SEMA3B: variants seen among roughly 807,000 people sequenced by gnomAD.
SEMA3B encodes semaphorin-3B.
Under a neutral mutation model 77.8 loss-of-function variants are expected in SEMA3B, and 71 were observed. That is an observed-to-expected ratio of 0.91 (90% CI 0.75 to 1.11). The LOEUF is 1.11. Ranked by LOEUF, SEMA3B falls within the 50% of genes most tolerant of loss-of-function variation. The pLI, the probability that SEMA3B is intolerant of heterozygous loss-of-function variation, is 0.00. For synonymous variants in SEMA3B, 470 were observed against 452.9 expected, an observed-to-expected ratio of 1.04 and a Z score of -0.48; for missense variants, 968 against 1,056.8, an observed-to-expected ratio of 0.92 and a Z score of 1.17.
In SEMA3B at chr3:50,273,423, C is replaced by T. The variant is rs907619834; in HGVS notation, c.790C>T (p.Arg264Cys). 1.5e-5 allele frequency: 24 copies of T among 1,613,534 alleles called. No homozygotes were observed. The African/African-American group carries it at 2.0e-4, about 13-fold the overall frequency. Residue 264 changes from arginine (R) to cysteine (C), a missense_variant, in exon 7 of 17, where the codon CGC becomes TGC. Transcript: ENST00000616701. This position sits in a 1 kb window ranked among gnomAD's most constrained non-coding sequence, Gnocchi z 6.5. ...APALGRLSVS[R>C]VGQICRNDVG... ...GGCACTGGGACGCCTGTCCGTGTCC[C>T]GCGTTGGCCAGATCTGCCGGGTGAG...
At position 50,273,798 on chromosome 3, in the gene SEMA3B, C is replaced by G. The variant is rs782132802; in HGVS notation, c.962C>G (p.Pro321Arg). ...FLLSSRDHRT[P>R]LLYAVFSTSS... ...TTGTCCTCGCGGGACCACCGGACCC[C>G]GCTGCTCTATGCCGTCTTCTCCACG... The change falls in exon 9 of 17, where the codon CCG becomes CGG. Residue 321 changes from proline to arginine, a missense_variant. By Grantham distance (103) the Pro-to-Arg change is moderately radical. Coordinates refer to ENST00000616701, the MANE Select transcript of SEMA3B (RefSeq NM_001290060.2). The surrounding 1 kb of genome is among the most constrained non-coding windows in gnomAD (Gnocchi z 6.5). 3.8e-6 allele frequency: 6 copies of G among 1,589,452 alleles called. No homozygotes were observed. The highest frequency in any genetic ancestry group is 5.1e-6 in the Non-Finnish European group (6 of 1,169,724).
Position 50,274,478 on chromosome 3 carries a change from G to A in SEMA3B, c.1253G>A (p.Arg418His). The change falls in exon 11 of 17, where the codon CGC (arginine) becomes CAC (histidine). Residue 418 changes from arginine to histidine, a missense_variant. Physicochemically the swap from Arg to His is conservative, Grantham distance 29. Coordinates refer to ENST00000616701, the MANE Select transcript of SEMA3B (RefSeq NM_001290060.2). This position sits in a 1 kb window ranked among gnomAD's most constrained non-coding sequence, Gnocchi z 4.7. ...MYNSVLPTGGRPLFLQVGANY... is the reference protein window; with the variant it reads ...MYNSVLPTGGHPLFLQVGANY... The stretch of plus-strand genomic sequence containing the variant: ...AACTCTGTCCTGCCCACTGGGGGGC[G>A]CCCTCTTTTCCTACAAGTTGGAGCC... 6.5e-7 allele frequency: 1 copy of A among 1,548,010 alleles called. No individual in the cohort carries two copies. The highest frequency in any genetic ancestry group is 8.7e-7 in the Non-Finnish European group (1 of 1,149,742).
At position 50,274,675 on chromosome 3, in the gene SEMA3B, C is replaced by A; in HGVS notation, c.1357+93C>A. The A allele has an allele frequency of 4.9e-6, 7 of 1,441,404 alleles. No individual in the cohort carries two copies. Among genetic ancestry groups the A allele is most frequent in the East Asian group, 2.3e-5 (1 of 43,210 alleles). The allele number at this position is 1,441,404 out of a possible 1,614,324, so 89.3% of individuals were successfully genotyped here. On this transcript the variant is annotated intron_variant, in intron 11 of 16. Transcript: ENST00000616701. The surrounding 1 kb of genome is among the most constrained non-coding windows in gnomAD (Gnocchi z 4.7). ...CCCTGTTCAGTCCCATCTCCACATC[C>A]TTTCCTGGGCTGTGTCTCCACCCTG...
chr3:50,270,916 G>T lies in SEMA3B; in HGVS notation c.357G>T (p.Leu119Phe). 5 of 1,610,388 alleles carry T rather than the reference G, an allele frequency of 3.1e-6. No individual in the cohort carries two copies. The highest frequency in any genetic ancestry group is 4.2e-6 in the Non-Finnish European group (5 of 1,178,300). Residue 119 changes from leucine to phenylalanine, a missense_variant, in exon 4 of 17, where the codon TTG (leucine) becomes TTT (phenylalanine). Physicochemically the swap from Leu to Phe is conservative, Grantham distance 22. Transcript: ENST00000616701. This position sits in a 1 kb window ranked among gnomAD's most constrained non-coding sequence, Gnocchi z 4.7. ...CTGAGTGCATGAACTTCGTGAAGTTGCTGCATGCCTACAACCGCACCCATT... is the reference window on the plus strand; with the variant it reads ...CTGAGTGCATGAACTTCGTGAAGTTTCTGCATGCCTACAACCGCACCCATT... ...IGTECMNFVK[L>F]LHAYNRTHLL...
At chr3:50,261,736 T>A in the SEMA3B span, 1 of 152,346 alleles carries the variant, frequency 6.6e-6, no homozygotes, top group Non-Finnish European at 1.5e-5. Context: ...CCATGGCTTC[T>A]GATGTCAGGA....
Position 50,270,560 on chromosome 3 carries a change from G to A in SEMA3B, c.330+65G>A. 1.2e-6 allele frequency: 2 copies of A among 1,602,808 alleles called. No homozygotes were observed. The highest frequency in any genetic ancestry group is 1.1e-5 in the South Asian group (1 of 90,806). On this transcript the variant is annotated intron_variant, in intron 3 of 16. Transcript: ENST00000616701. The surrounding 1 kb of genome is among the most constrained non-coding windows in gnomAD (Gnocchi z 4.7). ...GCCCCTCACCCCAGAGACAGGGCAG[G>A]GCTAAAACAGAGGCCTGCCTGTTCT...
rs1328529633 is a variant in SEMA3B at position 50,274,479 on chromosome 3, C to T, written c.1254C>T (p.Arg418=). The T allele has an allele frequency of 1.3e-6, 2 of 1,551,648 alleles. No homozygotes were observed. The highest frequency in any genetic ancestry group is 4.1e-5 in the Admixed American group (2 of 48,408). Residue 418 remains arginine, a synonymous_variant, in exon 11 of 17, where the codon CGC becomes CGT. Coordinates refer to ENST00000616701, the MANE Select transcript of SEMA3B (RefSeq NM_001290060.2). This position sits in a 1 kb window ranked among gnomAD's most constrained non-coding sequence, Gnocchi z 4.7. ...ACTCTGTCCTGCCCACTGGGGGGCG[C>T]CCTCTTTTCCTACAAGTTGGAGCCA... The part of the protein sequence containing the change: ...MYNSVLPTGG[R]PLFLQVGANY...
Position 50,276,717 on chromosome 3 carries a change from C to A in SEMA3B, c.*11C>A. ...GCAACGCACTGGTGACCAGACTGTC[C>A]CCACGCCGGGAACCAAGCAGGAGAC... On this transcript the variant is annotated 3_prime_UTR_variant, in exon 17 of 17. Coordinates refer to ENST00000616701, the MANE Select transcript of SEMA3B (RefSeq NM_001290060.2). This position sits in a 1 kb window ranked among gnomAD's most constrained non-coding sequence, Gnocchi z 5.8. 1 of 1,484,736 alleles carries A rather than the reference C, an allele frequency of 6.7e-7. No individual in the cohort carries two copies. Among genetic ancestry groups the A allele is most frequent in the Admixed American group, 2.3e-5 (1 of 42,604 alleles). The allele number at this position is 1,484,736 out of a possible 1,614,324, so 92.0% of individuals were successfully genotyped here. A position where few individuals can be genotyped will look rare whatever the true frequency, so the allele number is the denominator to read the frequency against.
chr3:50,271,154 A>G lies in SEMA3B; in HGVS notation c.517A>G (p.Arg173Gly). 6.3e-7 allele frequency: 1 copy of G among 1,581,940 alleles called. No homozygotes were observed. Residue 173 changes from arginine to glycine, a missense_variant, in exon 5 of 17, where the codon AGG (arginine) becomes GGG (glycine). Transcript: ENST00000616701. ...DGKGKSPYDPRHRAASVLVGE... is the reference protein window; with the variant it reads ...DGKGKSPYDPGHRAASVLVGE... ...CAAGGGGAAGAGTCCTTATGACCCC[A>G]GGCATCGGGCTGCCTCCGTGCTGGT... is the stretch of plus-strand genomic sequence containing the variant.
intron 6 of SEMA3B, among the ~76,000 whole-genome samples, chr3:50,271,688 G>T (rs1701058935): frequency 6.6e-6 from 1 of 152,180 alleles, no homozygotes; most frequent in Non-Finnish European, 1.5e-5. Context: ...ATAAGATCAA[G>T]TCCAATGGCC....
In SEMA3B at chr3:50,275,828, T is replaced by G. The variant is rs1407004395; in HGVS notation, c.1829T>G (p.Val610Gly). The G allele has an allele frequency of 1.2e-6, 2 of 1,605,066 alleles. No homozygotes were observed. The highest frequency in any genetic ancestry group is 2.7e-5 in the African/African-American group (2 of 74,718). Residue 610 changes from valine (V) to glycine (G), a missense_variant, in exon 16 of 17, where the codon GTG (valine) becomes GGG (glycine). By Grantham distance (109) the Val-to-Gly change is moderately radical. Coordinates refer to ENST00000616701, the MANE Select transcript of SEMA3B (RefSeq NM_001290060.2). The surrounding 1 kb of genome is among the most constrained non-coding windows in gnomAD (Gnocchi z 7.5). ...RVEWTFQRAGVTAHTQVLAEE... is the reference protein window; with the variant it reads ...RVEWTFQRAGGTAHTQVLAEE... ...GAGTGGACTTTCCAGCGCGCAGGGG[T>G]GACAGCCCACACCCAGGTGAGCCTT...
In SEMA3B at chr3:50,277,446, GGAGGCT is replaced by G. The variant is rs1553707148; in HGVS notation, c.*746_*751del. The G allele has an allele frequency of 1.3e-5, 2 of 151,298 alleles. No individual in the cohort carries two copies. The highest frequency in any genetic ancestry group is 4.9e-5 in the African/African-American group (2 of 41,102). The allele number at this position is 151,298 out of a possible 1,614,324, so 9.4% of individuals were successfully genotyped here. Reference sequence around the variant, plus strand: ...GGGCGCCTGTAATCCTAGCTACTCAGGAGGCTGAGGCAGGAGAATTGCTTGAACCTG... The same window carrying G: ...GGGCGCCTGTAATCCTAGCTACTCAGGAGGCAGGAGAATTGCTTGAACCTG... On this transcript the variant is annotated 3_prime_UTR_variant, in exon 17 of 17. Transcript: ENST00000616701.
Position 50,273,856 on chromosome 3 carries a change from GGGGCGGGCCGCT to G in SEMA3B, c.992+33_993-41del. ...GAGGGGCAGGAGGTAGGGAGCGCCC[GGGGCGGGCCGCT>G]GGGCTCCACCCGGCCCCTCACCTCG... On this transcript the variant is annotated intron_variant, in intron 9 of 16. Coordinates refer to ENST00000616701, the MANE Select transcript of SEMA3B (RefSeq NM_001290060.2). This position sits in a 1 kb window ranked among gnomAD's most constrained non-coding sequence, Gnocchi z 6.5. 6.4e-7 allele frequency: 1 copy of G among 1,565,584 alleles called. No homozygotes were observed. Among genetic ancestry groups the G allele is most frequent in the South Asian group, 1.2e-5 (1 of 86,316 alleles).
rs781793236 is a variant in SEMA3B at position 50,275,696 on chromosome 3, C to G, written c.1706-9C>G. On this transcript the variant is annotated splice_polypyrimidine_tract_variant and intron_variant, in intron 15 of 16. Transcript: ENST00000616701. The surrounding 1 kb of genome is among the most constrained non-coding windows in gnomAD (Gnocchi z 7.5). Reference sequence around the variant, plus strand: ...CCTTGCCTAAATCTGACTTTCTTCTCGCCCCAAGACTCGTCTCGTCCCGCG... The same window carrying G: ...CCTTGCCTAAATCTGACTTTCTTCTGGCCCCAAGACTCGTCTCGTCCCGCG... The G allele has an allele frequency of 6.2e-6, 10 of 1,611,784 alleles. No homozygotes were observed. Among genetic ancestry groups the G allele is most frequent in the Non-Finnish European group, 8.5e-6 (10 of 1,178,338 alleles).
At position 50,276,538 on chromosome 3, in the gene SEMA3B, G is replaced by A. The variant is rs2109252471; in HGVS notation, c.2082G>A (p.Gln694=). Residue 694 remains glutamine, a synonymous_variant, in exon 17 of 17, where the codon CAG becomes CAA. Coordinates refer to ENST00000616701, the MANE Select transcript of SEMA3B (RefSeq NM_001290060.2). This position sits in a 1 kb window ranked among gnomAD's most constrained non-coding sequence, Gnocchi z 5.8. Reference sequence around the variant, plus strand: ...AACTCTGGTACCGGGACTTTCTGCAGCTGGTGGAGCCGGGCGGAGGTGGCA... The same window carrying A: ...AACTCTGGTACCGGGACTTTCTGCAACTGGTGGAGCCGGGCGGAGGTGGCA... ...GPKLWYRDFL[Q]LVEPGGGGSA... 1 of 1,535,890 alleles carries A rather than the reference G, an allele frequency of 6.5e-7. No individual in the cohort carries two copies. Among genetic ancestry groups the A allele is most frequent in the East Asian group, 2.5e-5 (1 of 40,740 alleles).
Position 50,276,837 on chromosome 3 carries a change from C to A in SEMA3B, c.*131C>A. On this transcript the variant is annotated 3_prime_UTR_variant, in exon 17 of 17. Coordinates refer to ENST00000616701, the MANE Select transcript of SEMA3B (RefSeq NM_001290060.2). This position sits in a 1 kb window ranked among gnomAD's most constrained non-coding sequence, Gnocchi z 5.8. ...ACCGGCCGATGGAGACACCAACCGA[C>A]AGGCCCTGGCTGAGGGCAGCTGCGC... 8.9e-7 allele frequency: 1 copy of A among 1,119,350 alleles called. No homozygotes were observed. Among genetic ancestry groups the A allele is most frequent in the Non-Finnish European group, 1.2e-6 (1 of 836,040 alleles). The allele number at this position is 1,119,350 out of a possible 1,614,324, so 69.3% of individuals were successfully genotyped here.
upstream of SEMA3B, among the ~76,000 whole-genome samples, chr3:50,266,103 C>T (rs1356877950): frequency 1.3e-5 from 2 of 152,114 alleles, no homozygotes; most frequent in Non-Finnish European, 2.9e-5. Flanking sequence ...GAGACAGGGC[C>T]CCTGGGCCTG....
upstream of SEMA3B, among the ~76,000 whole-genome samples, chr3:50,265,520 A>G (rs1241695360): frequency 6.6e-6 from 1 of 152,212 alleles, no homozygotes; most frequent in African/African-American, 2.4e-5. Context: ...GTTTTTCCAG[A>G]AGGAAAAGCC....
Position 50,274,440 on chromosome 3 carries a change from C to T in SEMA3B, c.1215C>T (p.His405=). The T allele has an allele frequency of 6.5e-7, 1 of 1,527,568 alleles. No homozygotes were observed. The highest frequency in any genetic ancestry group is 1.3e-5 in the South Asian group (1 of 76,900). The allele number at this position is 1,527,568 out of a possible 1,614,324, so 94.6% of individuals were successfully genotyped here. ...PDDVIQFARN[H]PLMYNSVLPT... is the part of the protein sequence containing the mutation. Reference sequence around the variant, plus strand: ...ATGTCATCCAGTTTGCGCGGAACCACCCCCTCATGTACAACTCTGTCCTGC... The same window carrying T: ...ATGTCATCCAGTTTGCGCGGAACCATCCCCTCATGTACAACTCTGTCCTGC... The change falls in exon 11 of 17, where the codon CAC becomes CAT. Residue 405 remains histidine, a synonymous_variant. Transcript: ENST00000616701. This position sits in a 1 kb window ranked among gnomAD's most constrained non-coding sequence, Gnocchi z 4.7.
Sources: gnomAD v4.1 joint callset for allele counts (sites outside exome capture counted in the v4.1 genomes callset) on GRCh38, gnomAD v4.1.1 for gene constraint, Gnocchi (gnomAD v3.1) non-coding constraint, MANE v1.5 for transcripts, NCBI Gene and HGNC (gene_info 2026-07-23, HGNC 2026-07-21) for gene names.